DSCAML1: variants seen among roughly 807,000 people sequenced by gnomAD.
DSCAML1 encodes the protein cell adhesion molecule DSCAML1.
DSCAML1 carries 38 observed loss-of-function variants against 200.5 expected under a neutral mutation model. The ratio of observed to expected loss-of-function variants is 0.19; its 90% confidence interval spans 0.15 to 0.25. The LOEUF is 0.25. Among genes scored for constraint, DSCAML1 ranks in the 10% least tolerant of loss-of-function variants. The pLI, the probability that DSCAML1 is intolerant of heterozygous loss-of-function variation, is 1.00. For synonymous variants in DSCAML1, 1,215 were observed against 1,165.0 expected, an observed-to-expected ratio of 1.04 and a Z score of -0.87; for missense variants, 2,223 against 2,858.8, an observed-to-expected ratio of 0.78 and a Z score of 5.07.
chr11:117,810,314 C>T (rs1225268413), intron 1 of DSCAML1, among the ~76,000 whole-genome samples: 4 of 152,154 alleles, frequency 2.6e-5, no homozygotes, highest in South Asian at 2.1e-4. Flanking sequence ...TTCTCCTTCA[C>T]CCTTAGTGGC....
chr11:117,788,803 G>A (rs1011402790), intron 1 of DSCAML1, among the ~76,000 whole-genome samples: 6 of 152,164 alleles, frequency 3.9e-5, no homozygotes, highest in African/African-American at 9.7e-5. Flanking sequence ...TGCACAGTTC[G>A]CAGTGGCAGA....
chr11:117,615,638 C>T (rs1029117905), intron 3 of DSCAML1, among the ~76,000 whole-genome samples: 6 of 151,856 alleles, frequency 4.0e-5, no homozygotes, highest in South Asian at 2.1e-4. Flanking sequence ...ACAACATGGC[C>T]GGTTGTACCA....
chr11:117,528,948 A>T (rs1433251391), intron 4 of DSCAML1, among the ~76,000 whole-genome samples: 1 of 134,224 alleles, frequency 7.5e-6, no homozygotes, highest in Non-Finnish European at 1.6e-5. Flanking sequence ...CCCCTTGGGA[A>T]TGTAGTAGGA....
rs555310990 is a variant in DSCAML1 at position 117,485,947 on chromosome 11, G to A, written c.2360-3785C>T. ...GCTACACCTACTGGTGTCAGCCAGC[G>A]CTGGCCGGTCCTAGCTTGATAACCA... is the stretch of plus-strand genomic sequence containing the variant. On this transcript the variant is annotated intron_variant, in intron 11 of 32. Transcript: ENST00000651296. Among the ~76,000 whole-genome samples, 17 of 152,320 alleles carry A rather than the reference G, an allele frequency of 1.1e-4. No homozygotes were observed. The South Asian group carries it at 1.4e-3, about 13-fold the overall frequency.
chr11:117,560,597 C>G lies in DSCAML1; in HGVS notation c.512-28075G>C, dbSNP rs1353052887. 2.0e-5 allele frequency among the ~76,000 whole-genome samples: 3 copies of G among 152,176 alleles called. No homozygotes were observed. In the East Asian group the frequency reaches 5.8e-4, roughly 29 times the overall value. ...GGCTCTCTCTGGGACCTTGTTAGGA[C>G]CTGGGGCAGGCAAACCTCATGGCTT... is the stretch of plus-strand genomic sequence containing the variant. On this transcript the variant is annotated intron_variant, in intron 3 of 32. Transcript: ENST00000651296.
intron 3 of DSCAML1, among the ~76,000 whole-genome samples, chr11:117,707,029 C>T (rs2053769983): frequency 1.3e-5 from 2 of 152,166 alleles, no homozygotes; most frequent in South Asian, 2.1e-4. Context: ...AATCTAGTTC[C>T]CTTCGTACTC....
intron 11 of DSCAML1, among the ~76,000 whole-genome samples, chr11:117,497,643 C>T (rs73008415): frequency 0.02 from 3,062 of 152,362 alleles, 73 homozygotes; most frequent in East Asian, 0.095. Flanking sequence ...CCTCCAGCAG[C>T]GGTGGAGGTG....
chr11:117,710,983 C>T (rs2053838929), intron 3 of DSCAML1, among the ~76,000 whole-genome samples: 1 of 152,144 alleles, frequency 6.6e-6, no homozygotes, highest in African/African-American at 2.4e-5. Context: ...ACCTCTATGC[C>T]CATCCTAGCT....
chr11:117,451,460 A>G (rs1435088601), intron 19 of DSCAML1, among the ~76,000 whole-genome samples: 1 of 152,198 alleles, frequency 6.6e-6, no homozygotes, highest in East Asian at 1.9e-4. Flanking sequence ...TACCTCTCTG[A>G]GCCTCCGTTT....
chr11:117,447,865 T>C (rs549180579), intron 20 of DSCAML1, among the ~76,000 whole-genome samples: 1 of 152,354 alleles, frequency 6.6e-6, no homozygotes. Flanking sequence ...CTGTCTTTCA[T>C]AAATGAGTTT....
chr11:117,458,260 T>C (rs1252390211), intron 19 of DSCAML1, among the ~76,000 whole-genome samples: 1 of 152,158 alleles, frequency 6.6e-6, no homozygotes, highest in Non-Finnish European at 1.5e-5. Context: ...GGAAGGGCTT[T>C]GAGATCACCC....
intron 3 of DSCAML1, among the ~76,000 whole-genome samples, chr11:117,547,469 A>G (rs923835591): frequency 8.4e-5 from 12 of 142,784 alleles, no homozygotes; most frequent in African/African-American, 2.9e-4. Context: ...TCCTGCCCTG[A>G]AGGACCGCCC....
Position 117,438,942 on chromosome 11 carries a change from C to G in DSCAML1, c.4186G>C (p.Ala1396Pro). ...ATCCAGGTCAGGGTGATGGACGAAGCTGAGGTTTTGGAGACAGTGAGGCGG... is the reference window on the plus strand; with the variant it reads ...ATCCAGGTCAGGGTGATGGACGAAGGTGAGGTTTTGGAGACAGTGAGGCGG... ...QPRLTVSKTS[A>P]SSITLTWIPG... Residue 1396 changes from alanine (A) to proline (P), a missense_variant, in exon 24 of 33, where the codon GCT (alanine) becomes CCT (proline). Ala to Pro is a conservative substitution (Grantham distance 27). Transcript: ENST00000651296. 1.2e-6 allele frequency: 2 copies of G among 1,609,520 alleles called. No homozygotes were observed. Among genetic ancestry groups the G allele is most frequent in the Non-Finnish European group, 1.7e-6 (2 of 1,178,292 alleles).
In DSCAML1 at chr11:117,505,118, T is replaced by C. The variant is rs2049468266; in HGVS notation, c.2063-75A>G. On this transcript the variant is annotated intron_variant, in intron 9 of 32. Transcript: ENST00000651296. The surrounding 1 kb of genome is among the most constrained non-coding windows in gnomAD (Gnocchi z 6.7). ...GTCTCCTAGGGCTTCGAGCACCTTC[T>C]GTTTGAGGTCAGCCCTGCCCGGGCC... 6.4e-6 allele frequency: 10 copies of C among 1,558,236 alleles called. No homozygotes were observed. The highest frequency in any genetic ancestry group is 8.7e-6 in the Non-Finnish European group (10 of 1,147,170).
intron 1 of DSCAML1, among the ~76,000 whole-genome samples, chr11:117,784,546 G>A (rs2055317255): frequency 6.6e-6 from 1 of 152,184 alleles, no homozygotes; most frequent in Non-Finnish European, 1.5e-5. Context: ...AGTAGTAGGA[G>A]CCTGGTGTCC....
chr11:117,622,169 T>C (rs539356761), intron 3 of DSCAML1, among the ~76,000 whole-genome samples: 38 of 152,210 alleles, frequency 2.5e-4, no homozygotes, highest in Admixed American at 1.6e-3. Context: ...AGATTTTTTT[T>C]CCCAGCAGAT....
intron 3 of DSCAML1, among the ~76,000 whole-genome samples, chr11:117,631,058 A>C (rs1012947549): frequency 2.0e-4 from 30 of 152,192 alleles, no homozygotes; most frequent in African/African-American, 6.5e-4. Context: ...ATTTTATAGG[A>C]GGGAGAATGG....
chr11:117,761,339 C>A (rs994490932), intron 3 of DSCAML1, among the ~76,000 whole-genome samples: 4 of 152,224 alleles, frequency 2.6e-5, no homozygotes, highest in South Asian at 2.1e-4. Flanking sequence ...GCTCTGGACA[C>A]CCAGCCCCCA....
At chr11:117,448,525 C>T (rs1018557893) in intron 20 of DSCAML1, among the ~76,000 whole-genome samples, 2 of 151,764 alleles carry the variant, frequency 1.3e-5, no homozygotes, top group Admixed American at 6.6e-5. Flanking sequence ...GAGTGAGGAA[C>T]GTGCCACGGG....
Sources: allele counts gnomAD v4.1 joint callset (sites outside exome capture counted in the v4.1 genomes callset), GRCh38; gene constraint gnomAD v4.1.1; non-coding constraint Gnocchi (gnomAD v3.1); transcripts MANE v1.5; gene names NCBI Gene and HGNC (gene_info 2026-07-23, HGNC 2026-07-21).